Variants in EPHA7 observed in about 807,000 individuals in gnomAD.
EPHA7 encodes EPH receptor A7.
In EPHA7, 25 loss-of-function variants were observed where a neutral mutation model predicts 112.6. The observed-to-expected ratio is 0.22, with a 90% CI of 0.16 to 0.31. The LOEUF (loss-of-function observed/expected upper bound fraction) is 0.31, where lower values mean the gene tolerates loss of function less well. Ranked by LOEUF, EPHA7 falls within the 10% of genes least tolerant of loss-of-function variation. EPHA7 has a pLI of 1.00. For missense variants in EPHA7, 962 were observed against 1,212.6 expected (o/e 0.79, Z 3.07); for synonymous variants, 437 against 406.5 (o/e 1.07, Z -0.90).
intron 3 of EPHA7, among the ~76,000 whole-genome samples, chr6:93,371,467 C>T (rs1307554768): frequency 6.6e-6 from 1 of 152,024 alleles, no homozygotes; most frequent in Non-Finnish European, 1.5e-5. Context: ...TCTGTGGATG[C>T]TGGTATCCAA....
intron 12 of EPHA7, among the ~76,000 whole-genome samples, chr6:93,256,269 G>A (rs1268484335): frequency 2.0e-5 from 3 of 151,990 alleles, no homozygotes; most frequent in Non-Finnish European, 2.9e-5. Flanking sequence ...ATTTTAAAAT[G>A]AACTAATAAC....
At chr6:93,418,079 C>T (rs939115733) in intron 1 of EPHA7, among the ~76,000 whole-genome samples, 1 of 151,932 alleles carries the variant, frequency 6.6e-6, no homozygotes, top group Non-Finnish European at 1.5e-5. Flanking sequence ...TCCCTCTACA[C>T]ATCAGGAATA....
At chr6:93,329,251 A>G (rs757712603) in intron 5 of EPHA7, among the ~76,000 whole-genome samples, 3 of 151,446 alleles carry the variant, frequency 2.0e-5, no homozygotes, top group Non-Finnish European at 4.4e-5. Context: ...ATGACCTACA[A>G]GTTCTGAATG....
intron 5 of EPHA7, among the ~76,000 whole-genome samples, chr6:93,335,796 T>C (rs1345261511): frequency 2.0e-5 from 3 of 152,220 alleles, no homozygotes; most frequent in African/African-American, 7.2e-5. Context: ...CTTTGTATTT[T>C]GTGAAAATTT....
chr6:93,408,907 T>A (rs145456938), intron 3 of EPHA7, among the ~76,000 whole-genome samples: 93 of 152,220 alleles, frequency 6.1e-4, no homozygotes, highest in African/African-American at 2.2e-3. Flanking sequence ...TAGCCCAGTA[T>A]ACCTAAAATA....
chr6:93,295,914 G>A (rs1333491835), intron 5 of EPHA7, among the ~76,000 whole-genome samples: 1 of 151,558 alleles, frequency 6.6e-6, no homozygotes, highest in African/African-American at 2.4e-5. Flanking sequence ...AGCCATTTTT[G>A]ATCTTCCATT....
rs1770840999 is a variant in EPHA7 at position 93,264,596 on chromosome 6, T to C, written c.1740A>G (p.Arg580=). 6.3e-7 allele frequency: 1 copy of C among 1,592,694 alleles called. No homozygotes were observed. The highest frequency in any genetic ancestry group is 8.6e-7 in the Non-Finnish European group (1 of 1,164,246). Residue 580 remains arginine (R), a splice_region_variant and synonymous_variant, in exon 8 of 17, where the codon AGA becomes AGG. Transcript: ENST00000369303. ...ATTAGAACAACTTTGTGTTCTACCT[T>C]CTCCCAATGATGAAGCCAAAGACCA... The part of the protein sequence containing the change: ...VFMVFGFIIG[R]RHCGYSKADQ...
At position 93,311,230 on chromosome 6, in the gene EPHA7, T is replaced by C. The variant is rs1209972470; in HGVS notation, c.1325-38808A>G. 2.7e-5 allele frequency among the ~76,000 whole-genome samples: 4 copies of C among 149,012 alleles called. No homozygotes were observed. In the Admixed American group the frequency reaches 2.7e-4, roughly 10 times the overall value. On this transcript the variant is annotated intron_variant, in intron 5 of 16. Transcript: ENST00000369303. The stretch of plus-strand genomic sequence containing the variant: ...CAACAGCCTCAGGCTCCCAAAGTGC[T>C]GGGATTACAGGCATGAGCCTGGCCT...
chr6:93,381,102 T>C (rs1180861465), intron 3 of EPHA7, among the ~76,000 whole-genome samples: 1 of 152,170 alleles, frequency 6.6e-6, no homozygotes, highest in Non-Finnish European at 1.5e-5. Flanking sequence ...CATAATTATT[T>C]TTTTCTGAAT....
At chr6:93,407,197 C>G (rs1778761336) in intron 3 of EPHA7, among the ~76,000 whole-genome samples, 1 of 152,006 alleles carries the variant, frequency 6.6e-6, no homozygotes. Context: ...TGTCTTCTAG[C>G]AAACATCACA....
chr6:93,396,633 G>GATTT (rs1467353830), intron 3 of EPHA7, among the ~76,000 whole-genome samples: 1 of 151,762 alleles, frequency 6.6e-6, no homozygotes, highest in Non-Finnish European at 1.5e-5. Context: ...TTTACGAATA[G>GATTT]ATTTACATGT....
At chr6:93,271,734 G>A (rs1414456944) in intron 6 of EPHA7, among the ~76,000 whole-genome samples, 4 of 151,888 alleles carry the variant, frequency 2.6e-5, no homozygotes, top group African/African-American at 4.8e-5. Flanking sequence ...AAGGAGAGGT[G>A]TAAATAAGTC....
At chr6:93,309,590 T>G (rs183037646) in intron 5 of EPHA7, among the ~76,000 whole-genome samples, 14 of 152,268 alleles carry the variant, frequency 9.2e-5, no homozygotes, top group Admixed American at 7.8e-4. Flanking sequence ...TTATTACATA[T>G]GCTATTGAAA....
chr6:93,314,858 CTTTTTTTTTT>C (rs777231219), intron 5 of EPHA7, among the ~76,000 whole-genome samples: 1 of 101,378 alleles, frequency 9.9e-6, no homozygotes, highest in Non-Finnish European at 2.0e-5. Context: ...ATATAATTTT[CTTTTTTTTTT>C]TTTTTTTTTT....
intron 3 of EPHA7, among the ~76,000 whole-genome samples, chr6:93,384,990 A>G (rs1777529319): frequency 6.6e-6 from 1 of 152,198 alleles, no homozygotes; most frequent in Admixed American, 6.6e-5. Context: ...TATAAAATAT[A>G]TGGCAAAATT....
intron 3 of EPHA7, among the ~76,000 whole-genome samples, chr6:93,359,854 T>TAG (rs57690732): frequency 0.04 from 5,031 of 125,106 alleles, 204 homozygotes; most frequent in African/African-American, 0.1. Flanking sequence ...CAATAGATGA[T>TAG]AGAGAGAGAG....
At chr6:93,306,644 G>A (rs1051856300) in intron 5 of EPHA7, among the ~76,000 whole-genome samples, 3 of 151,970 alleles carry the variant, frequency 2.0e-5, no homozygotes, top group African/African-American at 4.8e-5. Flanking sequence ...TAAGTCAGTT[G>A]CTTTCACTTT....
chr6:93,269,157 T>C (rs1024722446), intron 7 of EPHA7, among the ~76,000 whole-genome samples: 11 of 151,760 alleles, frequency 7.2e-5, no homozygotes, highest in Non-Finnish European at 1.6e-4. Flanking sequence ...AATAAGATTG[T>C]TTCGAGGTCG....
chr6:93,342,864 C>G (rs1215824327), intron 5 of EPHA7, among the ~76,000 whole-genome samples: 1 of 151,596 alleles, frequency 6.6e-6, no homozygotes, highest in Non-Finnish European at 1.5e-5. Context: ...TTTGCCTACT[C>G]TAACTAATGA....
Sources: allele counts gnomAD v4.1 joint callset (sites outside exome capture counted in the v4.1 genomes callset), GRCh38; gene constraint gnomAD v4.1.1; transcripts MANE v1.5; gene names NCBI Gene and HGNC (gene_info 2026-07-23, HGNC 2026-07-21).